Variants in ZDHHC2 observed in about 807,000 individuals in gnomAD.
The protein encoded by ZDHHC2 is zDHHC palmitoyltransferase 2, also known as palmitoyltransferase ZDHHC2.
Under a neutral mutation model 55.6 loss-of-function variants are expected in ZDHHC2, and 51 were observed. The observed-to-expected ratio is 0.92, with a 90% CI of 0.73 to 1.16. The LOEUF (loss-of-function observed/expected upper bound fraction) is 1.16. Ranked by LOEUF, ZDHHC2 falls within the 50% of genes most tolerant of loss-of-function variation. The pLI, the probability that ZDHHC2 is intolerant of heterozygous loss-of-function variation, is 0.00. For synonymous variants in ZDHHC2, 199 were observed against 152.9 expected, an observed-to-expected ratio of 1.30 and a Z score of -2.22; for missense variants, 491 against 442.4, an observed-to-expected ratio of 1.11 and a Z score of -0.99.
rs372445233 is a variant in ZDHHC2 at position 17,184,908 on chromosome 8, T to A, written c.157+93T>A. 4.6e-5 allele frequency: 52 copies of A among 1,135,476 alleles called. No homozygotes were observed. In the East Asian group the frequency reaches 1.3e-3, roughly 28 times the overall value. The allele number at this position is 1,135,476 out of a possible 1,614,324, so 70.3% of individuals were successfully genotyped here. On this transcript the variant is annotated intron_variant, in intron 2 of 12. Transcript: ENST00000262096. ...TTTGGTTGGGATTAATAAATTGTTG[T>A]TTGAGAATGTGGAGACAAGCTAGGG... is the stretch of plus-strand genomic sequence containing the variant.
At chr8:17,169,324 A>G (rs746836920) in intron 1 of ZDHHC2, among the ~76,000 whole-genome samples, 2 of 151,016 alleles carry the variant, frequency 1.3e-5, no homozygotes, top group Non-Finnish European at 2.9e-5. Flanking sequence ...CATGTTGCCC[A>G]TATGGTGGCC....
intron 1 of ZDHHC2, among the ~76,000 whole-genome samples, chr8:17,176,165 A>G (rs1300424697): frequency 6.6e-6 from 1 of 152,178 alleles, no homozygotes; most frequent in Non-Finnish European, 1.5e-5. Context: ...TCTTATTGCA[A>G]AATGAATTTT....
intron 3 of ZDHHC2, among the ~76,000 whole-genome samples, chr8:17,187,602 A>G (rs1264996256): frequency 6.6e-6 from 1 of 151,952 alleles, no homozygotes; most frequent in Non-Finnish European, 1.5e-5. Context: ...TCTATTCTCC[A>G]CTTCTTTTTC....
At chr8:17,214,147 T>G (rs965913519) in intron 10 of ZDHHC2, among the ~76,000 whole-genome samples, 2 of 151,942 alleles carry the variant, frequency 1.3e-5, no homozygotes, top group Non-Finnish European at 2.9e-5. Flanking sequence ...AAAACATCAC[T>G]AATAGTTTCT....
chr8:17,193,425 G>T (rs973440732), intron 3 of ZDHHC2, among the ~76,000 whole-genome samples: 4 of 152,232 alleles, frequency 2.6e-5, no homozygotes, highest in African/African-American at 9.6e-5. Flanking sequence ...CCGGGAGCTG[G>T]TGGAGGGGTG....
At chr8:17,191,132 T>A (rs1162200522) in intron 3 of ZDHHC2, among the ~76,000 whole-genome samples, 1 of 151,938 alleles carries the variant, frequency 6.6e-6, no homozygotes, top group African/African-American at 2.4e-5. Flanking sequence ...CGGCTATTTT[T>A]TGTGGTTTTA....
intron 1 of ZDHHC2, among the ~76,000 whole-genome samples, chr8:17,176,894 A>C (rs887429350): frequency 6.6e-6 from 1 of 152,230 alleles, no homozygotes; most frequent in Non-Finnish European, 1.5e-5. Flanking sequence ...GATAGGTTAT[A>C]AAGAAAATAA....
At chr8:17,209,905 T>C (rs750661010) in intron 8 of ZDHHC2, 27 bp from the exon 9 acceptor site, 1 of 1,595,526 alleles carries the variant, frequency 6.3e-7, no homozygotes, top group Admixed American at 1.8e-5. Flanking sequence ...TCTTTACTCA[T>C]GTGATTCCTT....
intron 6 of ZDHHC2, among the ~76,000 whole-genome samples, chr8:17,200,650 A>G (rs2150931579): frequency 6.6e-6 from 1 of 152,366 alleles, no homozygotes; most frequent in South Asian, 2.1e-4. Context: ...TTATCATTAT[A>G]GTAATTTTGC....
chr8:17,166,924 T>A (rs1003533038), intron 1 of ZDHHC2, among the ~76,000 whole-genome samples: 1 of 152,198 alleles, frequency 6.6e-6, no homozygotes, highest in East Asian at 1.9e-4. Context: ...TATACCAGTG[T>A]ACGAGTTGCT....
At chr8:17,182,853 C>T (rs1487925887) in intron 1 of ZDHHC2, among the ~76,000 whole-genome samples, 1 of 152,150 alleles carries the variant, frequency 6.6e-6, no homozygotes, top group Non-Finnish European at 1.5e-5. Flanking sequence ...CCTCTGCCTC[C>T]CGGGTTCAAG....
intron 10 of ZDHHC2, among the ~76,000 whole-genome samples, chr8:17,211,971 T>C (rs1367076110): frequency 6.6e-6 from 1 of 152,230 alleles, no homozygotes; most frequent in Non-Finnish European, 1.5e-5. Flanking sequence ...TTGTGTTTTT[T>C]TTAATAATTT....
At chr8:17,176,038 A>G (rs527833668) in intron 1 of ZDHHC2, among the ~76,000 whole-genome samples, 1 of 152,322 alleles carries the variant, frequency 6.6e-6, no homozygotes, top group East Asian at 1.9e-4. Flanking sequence ...ATGCTTGACC[A>G]CTGAGGCTGA....
At chr8:17,182,908 G>A (rs963966023) in intron 1 of ZDHHC2, among the ~76,000 whole-genome samples, 5 of 152,192 alleles carry the variant, frequency 3.3e-5, no homozygotes, top group African/African-American at 1.2e-4. Flanking sequence ...TTACAGGCGC[G>A]TGTCACCACA....
intron 6 of ZDHHC2, among the ~76,000 whole-genome samples, chr8:17,199,565 TTCG>T (rs1806579696): frequency 1.8e-5 from 2 of 112,390 alleles, no homozygotes; most frequent in Admixed American, 1.9e-4. Context: ...CTTCGTCTTC[TTCG>T]TCTTTGTCTT....
intron 1 of ZDHHC2, among the ~76,000 whole-genome samples, chr8:17,171,509 T>C (rs1045087930): frequency 6.6e-6 from 1 of 152,124 alleles, no homozygotes; most frequent in Non-Finnish European, 1.5e-5. Flanking sequence ...GTGACGTCTT[T>C]ATTCCTTTTT....
At chr8:17,187,801 A>C (rs1363843096) in intron 3 of ZDHHC2, among the ~76,000 whole-genome samples, 1 of 152,152 alleles carries the variant, frequency 6.6e-6, no homozygotes, top group Non-Finnish European at 1.5e-5. Context: ...TTTGAGTTCT[A>C]AACTCCCCCT....
At chr8:17,177,389 G>A (rs1400506121) in intron 1 of ZDHHC2, among the ~76,000 whole-genome samples, 1 of 152,072 alleles carries the variant, frequency 6.6e-6, no homozygotes, top group Non-Finnish European at 1.5e-5. Flanking sequence ...TGAAGTCAGG[G>A]GACAGACTTT....
At chr8:17,202,460 A>G (rs1364511221) in intron 6 of ZDHHC2, among the ~76,000 whole-genome samples, 3 of 152,216 alleles carry the variant, frequency 2.0e-5, no homozygotes, top group Non-Finnish European at 4.4e-5. Context: ...AAAGTCAGAA[A>G]GCAATTGCCC....
Sources: allele counts gnomAD v4.1 joint callset (sites outside exome capture counted in the v4.1 genomes callset), GRCh38; gene constraint gnomAD v4.1.1; transcripts MANE v1.5; gene names NCBI Gene and HGNC (gene_info 2026-07-23, HGNC 2026-07-21).